Variants in CCSER1 observed in about 807,000 individuals in gnomAD.
CCSER1 encodes the protein serine-rich coiled-coil domain-containing protein 1.
Under a neutral mutation model 82.0 loss-of-function variants are expected in CCSER1, and 41 were observed. The ratio of observed to expected loss-of-function variants is 0.50; its 90% confidence interval spans 0.39 to 0.65. The LOEUF is 0.65. Among genes scored for constraint, CCSER1 ranks in the 30% least tolerant of loss-of-function variants. The pLI, the probability that CCSER1 is intolerant of heterozygous loss-of-function variation, is 0.00. For synonymous variants in CCSER1, 414 were observed against 383.9 expected (o/e 1.08, Z -0.92); for missense variants, 1,119 against 1,064.2 (o/e 1.05, Z -0.72).
chr4:90,790,125 T>A (rs947530719), intron 7 of CCSER1, among the ~76,000 whole-genome samples: 2 of 152,172 alleles, frequency 1.3e-5, no homozygotes, highest in African/African-American at 2.4e-5. Context: ...CCATCTTAGT[T>A]TAAATCTTAA....
intron 5 of CCSER1, among the ~76,000 whole-genome samples, chr4:90,508,961 T>C (rs1188704364): frequency 1.3e-5 from 2 of 152,084 alleles, no homozygotes; most frequent in Non-Finnish European, 2.9e-5. Flanking sequence ...ATTGTTTTAA[T>C]ATATTTCTTT....
chr4:91,185,429 T>C (rs1052747884), intron 10 of CCSER1, among the ~76,000 whole-genome samples: 1 of 152,210 alleles, frequency 6.6e-6, no homozygotes, highest in African/African-American at 2.4e-5. Flanking sequence ...TTGTCCCTGC[T>C]GGCAAGGGTC....
At chr4:90,454,422 G>A (rs982621696) in intron 4 of CCSER1, among the ~76,000 whole-genome samples, 1 of 152,066 alleles carries the variant, frequency 6.6e-6, no homozygotes, top group Non-Finnish European at 1.5e-5. Flanking sequence ...AAGAGATAGA[G>A]AGGTATGCTT....
At chr4:91,508,162 G>T (rs867910348) in intron 10 of CCSER1, among the ~76,000 whole-genome samples, 352 of 97,350 alleles carry the variant, frequency 3.6e-3, no homozygotes, top group African/African-American at 4.7e-3. Context: ...TTTTTTCTGG[G>T]TTTTTTTTTT....
intron 9 of CCSER1, among the ~76,000 whole-genome samples, chr4:90,955,271 A>C (rs1015933669): frequency 2.0e-5 from 3 of 152,158 alleles, no homozygotes; most frequent in African/African-American, 7.2e-5. Context: ...TGTAATGCAC[A>C]AGGCCCATGT....
intron 10 of CCSER1, among the ~76,000 whole-genome samples, chr4:91,157,370 C>T (rs1442732945): frequency 6.6e-6 from 1 of 151,918 alleles, no homozygotes; most frequent in African/African-American, 2.4e-5. Flanking sequence ...TGGTTTTATT[C>T]TTCTTTTCAG....
chr4:90,491,997 G>A (rs1560604907), intron 5 of CCSER1, among the ~76,000 whole-genome samples: 2 of 152,108 alleles, frequency 1.3e-5, no homozygotes, highest in Non-Finnish European at 2.9e-5. Context: ...TTGTGTCTCT[G>A]CCAGGCTTTG....
chr4:90,470,778 A>AT, intron 5 of CCSER1, among the ~76,000 whole-genome samples: 1 of 150,750 alleles, frequency 6.6e-6, no homozygotes, highest in Non-Finnish European at 1.5e-5. Flanking sequence ...AAAAAAAAAA[A>AT]AAACAAAACA....
rs891491714 is a variant in CCSER1 at position 90,695,225 on chromosome 4, A to G, written c.1933-28689A>G. 2.6e-5 allele frequency among the ~76,000 whole-genome samples: 4 copies of G among 151,788 alleles called. No individual in the cohort carries two copies. The Admixed American group carries it at 2.6e-4, about 10-fold the overall frequency. ...AAAAGCCTCAGATAATGTGAACTTG[A>G]TAAGCTCATCAGATATAAATGAAAG... On this transcript the variant is annotated intron_variant, in intron 6 of 10. Coordinates refer to ENST00000509176, the MANE Select transcript of CCSER1 (RefSeq NM_001145065.2).
At chr4:91,121,555 T>A (rs1727091142) in intron 10 of CCSER1, among the ~76,000 whole-genome samples, 1 of 151,626 alleles carries the variant, frequency 6.6e-6, no homozygotes, top group African/African-American at 2.4e-5. Context: ...AAATTTTACT[T>A]CAGTATGTGC....
At position 90,616,876 on chromosome 4, in the gene CCSER1, G is replaced by A. The variant is rs529397077; in HGVS notation, c.1725-11149G>A. On this transcript the variant is annotated intron_variant, in intron 5 of 10. Coordinates refer to ENST00000509176, the MANE Select transcript of CCSER1 (RefSeq NM_001145065.2). ...ATGTATTCATGGCTTTTAGAGTTTG[G>A]CTTAAGAAGCTTATCGAGGATTTCG... is the stretch of plus-strand genomic sequence containing the variant. 2.6e-5 allele frequency among the ~76,000 whole-genome samples: 4 copies of A among 152,210 alleles called. No individual in the cohort carries two copies. In the South Asian group the frequency reaches 8.3e-4, roughly 32 times the overall value.
intron 10 of CCSER1, among the ~76,000 whole-genome samples, chr4:91,431,027 G>C (rs563198589): frequency 2.0e-5 from 3 of 152,282 alleles, no homozygotes; most frequent in South Asian, 2.1e-4. Context: ...ACGAGGTCAG[G>C]AGTTCAAGAC....
intron 9 of CCSER1, among the ~76,000 whole-genome samples, chr4:91,023,307 T>C (rs1740180659): frequency 6.6e-6 from 1 of 152,106 alleles, no homozygotes; most frequent in African/African-American, 2.4e-5. Flanking sequence ...AAAAAACTAC[T>C]CTAAAGTTCA....
chr4:90,407,685 C>A (rs1008815084), intron 4 of CCSER1, among the ~76,000 whole-genome samples: 5 of 152,182 alleles, frequency 3.3e-5, no homozygotes, highest in Admixed American at 1.3e-4. Context: ...GGAACAGCTG[C>A]AGTCTACAGC....
chr4:91,438,318 G>A (rs903591676), intron 10 of CCSER1, among the ~76,000 whole-genome samples: 6 of 152,168 alleles, frequency 3.9e-5, no homozygotes, highest in Non-Finnish European at 7.3e-5. Context: ...CAGCATTCGC[G>A]GTTCATGAAA....
chr4:91,349,151 C>T (rs1748287554), intron 10 of CCSER1, among the ~76,000 whole-genome samples: 1 of 152,284 alleles, frequency 6.6e-6, no homozygotes, highest in Non-Finnish European at 1.5e-5. Context: ...TCGTGATCTG[C>T]CTGCCTCGGC....
At chr4:91,545,533 A>G (rs1761843760) in intron 10 of CCSER1, among the ~76,000 whole-genome samples, 1 of 152,118 alleles carries the variant, frequency 6.6e-6, no homozygotes, top group Non-Finnish European at 1.5e-5. Context: ...CTAAGTATCT[A>G]ATTTTTGTGG....
At chr4:90,731,564 A>G (rs539006343) in intron 7 of CCSER1, among the ~76,000 whole-genome samples, 1 of 152,322 alleles carries the variant, frequency 6.6e-6, no homozygotes, top group Non-Finnish European at 1.5e-5. Flanking sequence ...GTAAAAATAA[A>G]ATTCTTTGAG....
chr4:91,450,601 A>G (rs1461171704), intron 10 of CCSER1, among the ~76,000 whole-genome samples: 2 of 152,024 alleles, frequency 1.3e-5, no homozygotes, highest in Admixed American at 6.6e-5. Flanking sequence ...TGAAGTTCAG[A>G]GAGAAGGAAC....
Sources: gnomAD v4.1 joint callset for allele counts (sites outside exome capture counted in the v4.1 genomes callset) on GRCh38, gnomAD v4.1.1 for gene constraint, MANE v1.5 for transcripts, NCBI Gene and HGNC (gene_info 2026-07-23, HGNC 2026-07-21) for gene names.